TOPBP1: variants seen among roughly 807,000 people sequenced by gnomAD.
TOPBP1 encodes DNA topoisomerase II binding protein 1, also known as DNA topoisomerase 2-binding protein 1.
TOPBP1 carries 28 observed loss-of-function variants against 167.7 expected under a neutral mutation model. That is an observed-to-expected ratio of 0.17 (90% confidence interval 0.12 to 0.23). The LOEUF is 0.23. Among genes scored for constraint, TOPBP1 ranks in the 10% least tolerant of loss-of-function variants. TOPBP1 has a pLI of 1.00. For missense variants in TOPBP1, 1,554 were observed against 1,809.6 expected, an observed-to-expected ratio of 0.86 and a Z score of 2.56; for synonymous variants, 598 against 611.4, an observed-to-expected ratio of 0.98 and a Z score of 0.32.
chr3:133,628,280 T>C (rs1290331879), intron 16 of TOPBP1, 82 bp downstream of exon 16: 9 of 1,247,672 alleles, frequency 7.2e-6, no homozygotes, highest in Non-Finnish European at 1.0e-5. Context: ...ATAAATGTAT[T>C]CTTGTAGATG....
chr3:133,616,716 A>T, intron 23 of TOPBP1, 98 bp downstream of exon 23: 1 of 649,122 alleles, frequency 1.5e-6, no homozygotes, highest in Non-Finnish European at 2.4e-6. Flanking sequence ...CTTTTCCTCT[A>T]CTTCTAGACT....
intron 24 of TOPBP1, among the ~76,000 whole-genome samples, chr3:133,612,111 G>A (rs771367171): frequency 2.0e-5 from 3 of 151,302 alleles, no homozygotes; most frequent in African/African-American, 7.3e-5. Flanking sequence ...GCATGATCTC[G>A]GCTCACTGCA....
chr3:133,626,533 TA>T (rs549411183), intron 16 of TOPBP1, among the ~76,000 whole-genome samples: 37 of 152,334 alleles, frequency 2.4e-4, no homozygotes, highest in African/African-American at 6.7e-4. Context: ...ATAAACAAGT[TA>T]TTTTTTTGCA....
chr3:133,607,375 C>T (rs1023040394), intron 27 of TOPBP1, among the ~76,000 whole-genome samples: 1 of 151,874 alleles, frequency 6.6e-6, no homozygotes, highest in Non-Finnish European at 1.5e-5. Context: ...CAAACAGCTA[C>T]TAAAAATATA....
intron 26 of TOPBP1, 72 bp downstream of exon 26, chr3:133,608,801 A>C: frequency 6.4e-7 from 1 of 1,565,124 alleles, no homozygotes; most frequent in Non-Finnish European, 8.7e-7. Flanking sequence ...GAGAAAATGA[A>C]GAACTCATCA....
intron 8 of TOPBP1, among the ~76,000 whole-genome samples, chr3:133,651,133 C>A (rs1576312425): frequency 2.3e-5 from 2 of 87,030 alleles, no homozygotes; most frequent in African/African-American, 4.8e-5. Flanking sequence ...TGTAAGTTGG[C>A]AAGTTTAAAA....
At chr3:133,655,972 A>G (rs1415220934) in intron 5 of TOPBP1, among the ~76,000 whole-genome samples, 1 of 152,026 alleles carries the variant, frequency 6.6e-6, no homozygotes, top group African/African-American at 2.4e-5. Context: ...AGTTGCTGAC[A>G]TGGAGACATA....
intron 24 of TOPBP1, among the ~76,000 whole-genome samples, chr3:133,611,626 G>A (rs1934680789): frequency 6.6e-6 from 1 of 152,164 alleles, no homozygotes; most frequent in East Asian, 1.9e-4. Context: ...TTTAAAAAGT[G>A]ATTAAAGGTG....
At chr3:133,632,370 A>G (rs1387602723) in intron 14 of TOPBP1, among the ~76,000 whole-genome samples, 1 of 152,110 alleles carries the variant, frequency 6.6e-6, no homozygotes. Flanking sequence ...ATGCCACCGC[A>G]CTTCAGCCTG....
chr3:133,638,856 C>T (rs926226974), intron 13 of TOPBP1, among the ~76,000 whole-genome samples: 49 of 152,290 alleles, frequency 3.2e-4, no homozygotes, highest in Middle Eastern at 3.4e-3. Flanking sequence ...ATGGGAAATA[C>T]AGAATTCACA....
chr3:133,622,499 T>C (rs980233248), intron 19 of TOPBP1, among the ~76,000 whole-genome samples: 5 of 151,774 alleles, frequency 3.3e-5, no homozygotes, highest in African/African-American at 1.2e-4. Context: ...AGCCTATGTG[T>C]TTGTTTGTTT....
chr3:133,634,413 G>A (rs1367675158), intron 14 of TOPBP1, among the ~76,000 whole-genome samples: 1 of 152,158 alleles, frequency 6.6e-6, no homozygotes, highest in Non-Finnish European at 1.5e-5. Context: ...GGAGGCTGAG[G>A]CAGGAGAATC....
Position 133,624,164 on chromosome 3 carries a change from T to C in TOPBP1, c.2816A>G (p.Asp939Gly), listed in dbSNP as rs777956904. 5.6e-6 allele frequency: 9 copies of C among 1,613,512 alleles called. No individual in the cohort carries two copies. The South Asian group carries it at 9.9e-5, about 18-fold the overall frequency. Reference protein sequence around the residue: ...SLGADYRWSFDETVTHFIYQG... With the variant: ...SLGADYRWSFGETVTHFIYQG... Reference sequence around the variant, plus strand: ...ATAGATGAAATGAGTCACTGTTTCATCAAAACTCCACCTGAAATAACCAAT... The same window carrying C: ...ATAGATGAAATGAGTCACTGTTTCACCAAAACTCCACCTGAAATAACCAAT... The change falls in exon 17 of 28, where the codon GAT becomes GGT. Residue 939 changes from aspartate to glycine, a missense_variant. Asp to Gly is a moderately conservative substitution (Grantham distance 94, BLOSUM62 -1). Around this residue, in one of 3 missense-constraint regions of TOPBP1, gnomAD observed 1,197 missense variants for 1,351.5 expected, o/e 0.89. Transcript: ENST00000260810.
Position 133,612,379 on chromosome 3 carries a change from G to A in TOPBP1, c.4035+10C>T. 6.2e-7 allele frequency: 1 copy of A among 1,613,372 alleles called. No individual in the cohort carries two copies. ...AAGAAAAATAAACTTCCACAAATCT[G>A]AATACACACCTGCACGAAGTGTCCA... On this transcript the variant is annotated intron_variant, in intron 24 of 27. Coordinates refer to ENST00000260810, the MANE Select transcript of TOPBP1 (RefSeq NM_007027.4).
At chr3:133,651,162 C>T (rs1175214357) in intron 8 of TOPBP1, among the ~76,000 whole-genome samples, 11 of 144,816 alleles carry the variant, frequency 7.6e-5, no homozygotes, top group South Asian at 4.4e-4. Flanking sequence ...GGTAATTTGC[C>T]GAATTTCCCT....
At chr3:133,657,180 T>C (rs1024252539) in intron 4 of TOPBP1, among the ~76,000 whole-genome samples, 16 of 150,620 alleles carry the variant, frequency 1.1e-4, no homozygotes, top group African/African-American at 3.9e-4. Context: ...CTATATAATA[T>C]ATAAATATTT....
At position 133,601,302 on chromosome 3, in the gene TOPBP1, T is replaced by C. The variant is rs774619482; in HGVS notation, c.4517A>G (p.Lys1506Arg). The C allele has an allele frequency of 5.8e-5, 94 of 1,608,108 alleles. No individual in the cohort carries two copies. Among genetic ancestry groups the C allele is most frequent in the South Asian group, 5.5e-4 (49 of 89,476 alleles). ...ATTTTTTTCTGTAGGAGCTTTCCTCTTTTGTGATAATCCAGTCCCAAGTTC... is the reference window on the plus strand; with the variant it reads ...ATTTTTTTCTGTAGGAGCTTTCCTCCTTTGTGATAATCCAGTCCCAAGTTC... ...NKELGTGLSQ[K>R]RKAPTEKNKI... The change falls in exon 28 of 28, where the codon AAG becomes AGG. Residue 1506 changes from lysine (K) to arginine (R), a missense_variant. Around this residue, in one of 3 missense-constraint regions of TOPBP1, gnomAD observed 351 missense variants for 432.9 expected, o/e 0.81. Transcript: ENST00000260810.
Position 133,600,722 on chromosome 3 carries a change from G to A in TOPBP1, c.*528C>T, listed in dbSNP as rs989681235. The A allele has an allele frequency of 1.3e-5, 2 of 152,672 alleles. No homozygotes were observed. Among genetic ancestry groups the A allele is most frequent in the East Asian group, 3.8e-4 (2 of 5,198 alleles). 9.5% of individuals were successfully genotyped at this position (152,672 alleles called of 1,614,324 possible). On this transcript the variant is annotated 3_prime_UTR_variant, in exon 28 of 28. Transcript: ENST00000260810. ...CGCATTCAAACTTGGCAAACATCAT[G>A]GAGATTTGTACAAACATACATATAC...
chr3:133,625,749 A>G (rs1935247354), intron 16 of TOPBP1, among the ~76,000 whole-genome samples: 1 of 152,058 alleles, frequency 6.6e-6, no homozygotes, highest in South Asian at 2.1e-4. Flanking sequence ...AAAAAGAATT[A>G]AGAAAAAGAA....
Sources: allele counts gnomAD v4.1 joint callset (sites outside exome capture counted in the v4.1 genomes callset), GRCh38; gene constraint gnomAD v4.1.1; regional missense constraint gnomAD v4.1.1; transcripts MANE v1.5; gene names NCBI Gene and HGNC (gene_info 2026-07-23, HGNC 2026-07-21).